AVEN: variants seen among roughly 807,000 people sequenced by gnomAD.
AVEN encodes the protein cell death regulator Aven.
In AVEN, 41 loss-of-function variants were observed where a neutral mutation model predicts 38.1. The ratio of observed to expected loss-of-function variants is 1.08; its 90% CI spans 0.84 to 1.40. AVEN has a LOEUF of 1.40. AVEN is among the 40% of genes most tolerant of loss of function. The pLI is 0.00. For missense variants in AVEN, 605 were observed against 438.8 expected, an observed-to-expected ratio of 1.38 and a Z score of -3.38; for synonymous variants, 206 against 171.8, an observed-to-expected ratio of 1.20 and a Z score of -1.56.
chr15:33,863,817 G>T (rs1889419896), downstream of AVEN, among the ~76,000 whole-genome samples: 1 of 152,082 alleles, frequency 6.6e-6, no homozygotes. Flanking sequence ...AAGAATTTGG[G>T]CTACCATTTT....
At chr15:34,049,695 T>C (rs1345839160) in intron 5 of AVEN, among the ~76,000 whole-genome samples, 1 of 151,900 alleles carries the variant, frequency 6.6e-6, no homozygotes, top group East Asian at 1.9e-4. Flanking sequence ...CCCAGTAAGA[T>C]ACTCCACAAG....
intron 3 of AVEN, chr15:34,066,249 C>A (rs1231907008): frequency 6.6e-6 from 1 of 152,266 alleles, no homozygotes; most frequent in Admixed American, 6.5e-5. Context: ...GGTGTGACTT[C>A]ATGAGCAAAC....
rs181870835 is a variant in AVEN at position 34,062,090 on chromosome 15, C to T, written n.1637+832G>A. ...CCTTCACCCTCCTCGTCTTCCCAGC[C>T]CTTTTTAAAATTGCCACAAGAGGGC... On this transcript the variant is annotated intron_variant and non_coding_transcript_variant, in intron 5 of 11. Transcript: ENST00000675287. Among the ~76,000 whole-genome samples, 9 of 152,260 alleles carry T rather than the reference C, an allele frequency of 5.9e-5. No individual in the cohort carries two copies. In the East Asian group the frequency reaches 1.5e-3, roughly 26 times the overall value.
Position 33,899,042 on chromosome 15 carries a change from T to G in AVEN, c.446-23047A>C, listed in dbSNP as rs568311619. Among the ~76,000 whole-genome samples, 207 of 152,184 alleles carry G rather than the reference T, an allele frequency of 1.4e-3. 4 individuals carry two copies. In the South Asian group the frequency reaches 0.043, roughly 31 times the overall value. ...AAGGAGTCCAATTTGATAAAAGCAT[T>G]AGCTCTAAGTGTGATATACTGGAAA... On this transcript the variant is annotated intron_variant, in intron 2 of 5. Coordinates refer to ENST00000306730, the MANE Select transcript of AVEN (RefSeq NM_020371.3).
At chr15:33,891,219 TTAAC>T (rs1342327627) in intron 2 of AVEN, among the ~76,000 whole-genome samples, 2 of 152,218 alleles carry the variant, frequency 1.3e-5, no homozygotes, top group Admixed American at 6.5e-5. Context: ...TTATATTGTA[TTAAC>T]TATTTTTTAA....
chr15:33,872,593 A>C (rs1891022515), intron 3 of AVEN, among the ~76,000 whole-genome samples: 2 of 152,008 alleles, frequency 1.3e-5, no homozygotes, highest in Non-Finnish European at 2.9e-5. Context: ...CCAGGCCCTC[A>C]GGAACGGCCG....
intron 2 of AVEN, among the ~76,000 whole-genome samples, chr15:33,886,140 C>A (rs373432977): frequency 2.6e-5 from 4 of 151,210 alleles, no homozygotes; most frequent in African/African-American, 9.8e-5. Context: ...ATAAAAGATT[C>A]TATCTCTGTT....
downstream of AVEN, among the ~76,000 whole-genome samples, chr15:33,858,373 T>A (rs1351979244): frequency 6.6e-6 from 1 of 151,918 alleles, no homozygotes; most frequent in African/African-American, 2.4e-5. Flanking sequence ...CCTGGCTAAT[T>A]TTGTATTTTT....
chr15:34,052,028 G>A (rs1356470004), intron 5 of AVEN, among the ~76,000 whole-genome samples: 1 of 152,042 alleles, frequency 6.6e-6, no homozygotes, highest in African/African-American at 2.4e-5. Context: ...CCAAAGCCTG[G>A]CAGAGATACA....
At chr15:33,934,398 C>A (rs1344120072) in intron 2 of AVEN, among the ~76,000 whole-genome samples, 1 of 152,152 alleles carries the variant, frequency 6.6e-6, no homozygotes, top group Non-Finnish European at 1.5e-5. Context: ...CCAAGCAATT[C>A]TTCTAGCAAC....
rs894876181 is a variant in AVEN, at chr15:33,961,720, GGA to G, written c.445+41310_445+41311del. Among the ~76,000 whole-genome samples, 6 of 150,262 alleles carry G rather than the reference GGA, an allele frequency of 4.0e-5. No individual in the cohort carries two copies. The Admixed American group carries it at 4.0e-4, about 10-fold the overall frequency. ...CCCAGCTACTCGGGAGGCTGAGGCA[GGA>G]GAATGGCGTGAACCCGGGAGGCGGA... On this transcript the variant is annotated intron_variant, in intron 2 of 5. Transcript: ENST00000306730.
chr15:33,929,791 C>T (rs1421965619), intron 2 of AVEN, among the ~76,000 whole-genome samples: 2 of 152,142 alleles, frequency 1.3e-5, no homozygotes, highest in African/African-American at 4.8e-5. Context: ...AAATGGGAAA[C>T]ACAGTGTCCC....
chr15:34,072,510 T>C (rs1900647817), intron 1 of AVEN, among the ~76,000 whole-genome samples: 1 of 148,756 alleles, frequency 6.7e-6, no homozygotes, highest in African/African-American at 2.5e-5. Flanking sequence ...CTCAGGAGGC[T>C]GAGGCAGGAG....
chr15:33,912,888 ATT>A (rs34666691), intron 2 of AVEN, among the ~76,000 whole-genome samples: 6,089 of 144,354 alleles, frequency 0.042, 361 homozygotes, highest in African/African-American at 0.13. Flanking sequence ...AAAAGGCATA[ATT>A]TTTTTTTTTT....
chr15:33,946,040 T>C (rs1894498591), intron 2 of AVEN, among the ~76,000 whole-genome samples: 2 of 152,194 alleles, frequency 1.3e-5, no homozygotes, highest in South Asian at 4.1e-4. Context: ...ACATAGTCAG[T>C]ATTCAATAAA....
chr15:34,071,534 C>T (rs896658911), intron 1 of AVEN, among the ~76,000 whole-genome samples: 1 of 152,164 alleles, frequency 6.6e-6, no homozygotes, highest in African/African-American at 2.4e-5. Flanking sequence ...CCTCAGCCTC[C>T]CAAAGTGCTG....
chr15:33,884,649 T>C (rs1033146003), intron 2 of AVEN, among the ~76,000 whole-genome samples: 1 of 146,466 alleles, frequency 6.8e-6, no homozygotes, highest in Non-Finnish European at 1.5e-5. Flanking sequence ...CAGCTGCCAA[T>C]TTTAAGCTTA....
At chr15:34,047,369 G>A (rs981450001) in intron 5 of AVEN, among the ~76,000 whole-genome samples, 24 of 152,164 alleles carry the variant, frequency 1.6e-4, no homozygotes, top group African/African-American at 4.8e-4. Flanking sequence ...GAGCCACCGT[G>A]CCCGGCGGAG....
chr15:34,074,854 C>T (rs879494577), exon 1 of AVEN, among the ~76,000 whole-genome samples: 1 of 151,998 alleles, frequency 6.6e-6, no homozygotes, highest in African/African-American at 2.4e-5. Context: ...TATAGTTGAA[C>T]GAACTGTAGA....
Sources: allele counts gnomAD v4.1 joint callset (sites outside exome capture counted in the v4.1 genomes callset), GRCh38; gene constraint gnomAD v4.1.1; transcripts MANE v1.5; gene names NCBI Gene and HGNC (gene_info 2026-07-23, HGNC 2026-07-21).